Variants in PIK3CB observed in about 807,000 individuals in gnomAD.
PIK3CB encodes the protein phosphatidylinositol 4,5-bisphosphate 3-kinase catalytic subunit beta isoform.
PIK3CB carries 39 observed loss-of-function variants against 136.8 expected under a neutral mutation model. The observed-to-expected ratio is 0.29, with a 90% CI of 0.22 to 0.37. The LOEUF is 0.37. Ranked by LOEUF, PIK3CB falls within the 10% of genes least tolerant of loss-of-function variation. The pLI, the probability that PIK3CB is intolerant of heterozygous loss-of-function variation, is 1.00. For synonymous variants in PIK3CB, 428 were observed against 436.6 expected, an observed-to-expected ratio of 0.98 and a Z score of 0.25; for missense variants, 868 against 1,275.4, an observed-to-expected ratio of 0.68 and a Z score of 4.87.
intron 2 of PIK3CB, among the ~76,000 whole-genome samples, chr3:138,774,300 T>A (rs72990569): frequency 0.038 from 5,786 of 152,242 alleles, 376 homozygotes; most frequent in African/African-American, 0.13. Context: ...ATCTGACTTC[T>A]TTTGTAAGAG....
At chr3:138,828,763 C>T (rs529542803) in intron 1 of PIK3CB, among the ~76,000 whole-genome samples, 2 of 151,752 alleles carry the variant, frequency 1.3e-5, no homozygotes, top group South Asian at 2.1e-4. Context: ...AAGGAGACCC[C>T]GCCTCTAAAA....
intron 1 of PIK3CB, among the ~76,000 whole-genome samples, chr3:138,813,764 G>A (rs1373009319): frequency 6.6e-6 from 1 of 152,144 alleles, no homozygotes; most frequent in African/African-American, 2.4e-5. Context: ...TGTTTTAGTG[G>A]TGGTGATAGC....
intron 3 of PIK3CB, among the ~76,000 whole-genome samples, chr3:138,757,989 T>C (rs2045604092): frequency 1.3e-5 from 2 of 152,090 alleles, no homozygotes; most frequent in Non-Finnish European, 2.9e-5. Flanking sequence ...ATATTCACAA[T>C]AGCCAAAAGC....
chr3:138,789,422 G>A (rs542164755), intron 2 of PIK3CB, among the ~76,000 whole-genome samples: 1 of 152,268 alleles, frequency 6.6e-6, no homozygotes, highest in African/African-American at 2.4e-5. Context: ...CTACACCACT[G>A]TACTCTAGCC....
At chr3:138,810,027 C>A (rs961112954) in intron 1 of PIK3CB, among the ~76,000 whole-genome samples, 2 of 152,136 alleles carry the variant, frequency 1.3e-5, no homozygotes, top group African/African-American at 4.8e-5. Flanking sequence ...CATACACACA[C>A]ACGAACACAC....
intron 8 of PIK3CB, among the ~76,000 whole-genome samples, chr3:138,732,717 AAAG>A (rs2045011201): frequency 7.6e-6 from 1 of 131,370 alleles, no homozygotes; most frequent in African/African-American, 2.8e-5. Flanking sequence ...AAAGGAAAGA[AAAG>A]AAAAAAAAAA....
At chr3:138,693,868 G>A (rs2108512700) in intron 14 of PIK3CB, among the ~76,000 whole-genome samples, 1 of 146,128 alleles carries the variant, frequency 6.8e-6, no homozygotes, top group African/African-American at 2.5e-5. Flanking sequence ...TGAGAAGGAA[G>A]AGAAGTAATC....
chr3:138,751,049 T>TA (rs912451662), intron 4 of PIK3CB, among the ~76,000 whole-genome samples: 3 of 152,128 alleles, frequency 2.0e-5, no homozygotes, highest in Admixed American at 1.3e-4. Flanking sequence ...TAGAATCACA[T>TA]AAAAAAATAC....
intron 1 of PIK3CB, among the ~76,000 whole-genome samples, chr3:138,811,078 T>C (rs930575871): frequency 1.3e-4 from 19 of 150,946 alleles, no homozygotes; most frequent in Admixed American, 4.0e-4. Context: ...AATACAAAAA[T>C]AAGCTGGGCA....
chr3:138,772,263 G>A (rs2108766540), intron 2 of PIK3CB, among the ~76,000 whole-genome samples: 1 of 152,192 alleles, frequency 6.6e-6, no homozygotes, highest in African/African-American at 2.4e-5. Context: ...ATTAAGGGTG[G>A]AAGGAAAGAC....
chr3:138,812,675 G>A (rs766518738), intron 1 of PIK3CB, among the ~76,000 whole-genome samples: 12 of 151,920 alleles, frequency 7.9e-5, no homozygotes, highest in Admixed American at 2.0e-4. Context: ...TTATAGTCAT[G>A]TGCCACCACG....
At chr3:138,829,192 G>C (rs1054918043) in intron 1 of PIK3CB, among the ~76,000 whole-genome samples, 1 of 151,998 alleles carries the variant, frequency 6.6e-6, no homozygotes, top group Non-Finnish European at 1.5e-5. Context: ...GCTGAGATGG[G>C]TGGATTGCTT....
chr3:138,754,376 A>G (rs1197185900), intron 4 of PIK3CB, among the ~76,000 whole-genome samples: 1 of 152,084 alleles, frequency 6.6e-6, no homozygotes, highest in African/African-American at 2.4e-5. Context: ...GGTCGAGTCA[A>G]GGCTGAAGTG....
intron 1 of PIK3CB, among the ~76,000 whole-genome samples, chr3:138,827,824 A>T (rs1933850901): frequency 6.8e-6 from 1 of 147,720 alleles, no homozygotes; most frequent in Non-Finnish European, 1.5e-5. Flanking sequence ...CTAAAAAAAT[A>T]CAAAAAAAAA....
intron 19 of PIK3CB, among the ~76,000 whole-genome samples, chr3:138,669,915 T>C (rs1056089641): frequency 3.3e-5 from 5 of 152,066 alleles, no homozygotes; most frequent in East Asian, 3.9e-4. Flanking sequence ...CATATATTTA[T>C]AGAAACAGTA....
chr3:138,696,686 AG>A (rs2044144320), intron 13 of PIK3CB, among the ~76,000 whole-genome samples: 1 of 152,182 alleles, frequency 6.6e-6, no homozygotes, highest in Admixed American at 6.6e-5. Flanking sequence ...TGATGAAAAC[AG>A]GTTGAGAAAT....
chr3:138,705,197 A>AAAAAAAAC (rs1313585582), intron 11 of PIK3CB, among the ~76,000 whole-genome samples: 2 of 142,190 alleles, frequency 1.4e-5, no homozygotes, highest in Non-Finnish European at 3.1e-5. Context: ...AAACAAAAAA[A>AAAAAAAAC]AAAACTTATA....
intron 1 of PIK3CB, among the ~76,000 whole-genome samples, chr3:138,800,025 C>T (rs2046155155): frequency 1.3e-5 from 2 of 152,074 alleles, no homozygotes; most frequent in South Asian, 2.1e-4. Context: ...TCTAGCCTTA[C>T]TGGTATATTT....
chr3:138,807,351 T>C (rs2046245520), intron 1 of PIK3CB, among the ~76,000 whole-genome samples: 1 of 151,996 alleles, frequency 6.6e-6, no homozygotes, highest in Non-Finnish European at 1.5e-5. Context: ...GAAGAATCAC[T>C]TGAACATGGG....
Sources: gnomAD v4.1 joint callset for allele counts (sites outside exome capture counted in the v4.1 genomes callset) on GRCh38, gnomAD v4.1.1 for gene constraint, MANE v1.5 for transcripts, NCBI Gene and HGNC (gene_info 2026-07-23, HGNC 2026-07-21) for gene names.